PDZD2: variants seen among roughly 807,000 people sequenced by gnomAD.
PDZD2 encodes PDZ domain-containing protein 2.
PDZD2 carries 90 observed loss-of-function variants against 220.7 expected under a neutral mutation model. The observed-to-expected ratio is 0.41, with a 90% CI of 0.34 to 0.49. The LOEUF (loss-of-function observed/expected upper bound fraction) is 0.49, where lower values mean the gene tolerates loss of function less well. PDZD2 is among the 20% of genes least tolerant of loss of function. The pLI, the probability that PDZD2 is intolerant of heterozygous loss-of-function variation, is 0.28. For synonymous variants in PDZD2, 1,375 were observed against 1,450.5 expected (o/e 0.95, Z 1.18); for missense variants, 3,174 against 3,608.5 (o/e 0.88, Z 3.08).
rs1561506524 is a variant in PDZD2, at chr5:31,849,873, TATATATATATATATAC to T, written c.476+50151_476+50166del. Reference sequence around the variant, plus strand: ...TCTCTCTCTCTCATATATATATACATATATATATATATATACACATATATATATATACATATATATA... The same window carrying T: ...TCTCTCTCTCTCATATATATATACATACATATATATATATACATATATATA... On this transcript the variant is annotated intron_variant, in intron 2 of 24. Coordinates refer to ENST00000438447, the MANE Select transcript of PDZD2 (RefSeq NM_178140.4). 6.3e-4 allele frequency among the ~76,000 whole-genome samples: 32 copies of T among 50,726 alleles called. 5 individuals are homozygous for T. The highest frequency in any genetic ancestry group is 6.1e-3 in the African/African-American group (26 of 4,260). The allele number at this position is 50,726 out of a possible 152,430, so 33.3% of individuals were successfully genotyped here. A position where few individuals can be genotyped will look rare whatever the true frequency, so the allele number is the denominator to read the frequency against.
At chr5:32,016,273 G>A (rs1753773533) in intron 6 of PDZD2, among the ~76,000 whole-genome samples, 1 of 152,174 alleles carries the variant, frequency 6.6e-6, no homozygotes, top group African/African-American at 2.4e-5. Flanking sequence ...CGCTCTAAAT[G>A]TTTCCAAATG....
rs907158611 is a variant in PDZD2, at chr5:31,766,919, G to T, written c.-360-31970G>T. 2.6e-5 allele frequency among the ~76,000 whole-genome samples: 4 copies of T among 150,968 alleles called. No individual in the cohort carries two copies. The South Asian group carries it at 8.4e-4, about 32-fold the overall frequency. ...ATTTTTATATTTTTAGTAGAGACTG[G>T]GTTTCATCATGTTGGGCAGGCTGTT... On this transcript the variant is annotated intron_variant, in intron 1 of 24. Coordinates refer to ENST00000438447, the MANE Select transcript of PDZD2 (RefSeq NM_178140.4).
chr5:31,868,320 C>T (rs1424827249), intron 2 of PDZD2, among the ~76,000 whole-genome samples: 3 of 152,110 alleles, frequency 2.0e-5, no homozygotes, highest in Non-Finnish European at 4.4e-5. Context: ...TGGCGTGTGC[C>T]TTTAATCTCA....
chr5:31,781,278 G>A (rs573306320), intron 1 of PDZD2, among the ~76,000 whole-genome samples: 1 of 152,336 alleles, frequency 6.6e-6, no homozygotes, highest in African/African-American at 2.4e-5. Context: ...GCTGGGTGTG[G>A]TGGTGCACGT....
chr5:31,668,194 G>A (rs955730686), intron 1 of PDZD2, among the ~76,000 whole-genome samples: 3 of 152,266 alleles, frequency 2.0e-5, no homozygotes, highest in Middle Eastern at 6.8e-3. Context: ...TGGTGAATGC[G>A]TGCAGAGATG....
chr5:32,036,848 T>C (rs1017889399), intron 6 of PDZD2, among the ~76,000 whole-genome samples: 1 of 152,276 alleles, frequency 6.6e-6, no homozygotes, highest in African/African-American at 2.4e-5. Flanking sequence ...TCAAGAGACC[T>C]GGGCTTGCGT....
intron 2 of PDZD2, among the ~76,000 whole-genome samples, chr5:31,836,620 A>G (rs1445516543): frequency 1.3e-5 from 2 of 152,186 alleles, no homozygotes; most frequent in East Asian, 3.8e-4. Context: ...TCTCCTAGAG[A>G]TGATGCTCTA....
In PDZD2 at chr5:32,037,089, G is replaced by A. The variant is rs116512054; in HGVS notation, c.1408-142G>A. On this transcript the variant is annotated intron_variant, in intron 6 of 24. Transcript: ENST00000438447. ...GCGAATGCAGCTTATCTGAAGGGCT[G>A]TGCTTTGATCCCGTGGTCCTTCTTC... 3,572 of 616,750 alleles carry A rather than the reference G, an allele frequency of 5.8e-3. 104 individuals are homozygous for A. The African/African-American group carries it at 0.06, about 10-fold the overall frequency. 38.2% of individuals were successfully genotyped at this position (616,750 alleles called of 1,614,324 possible).
intron 1 of PDZD2, among the ~76,000 whole-genome samples, chr5:31,689,766 A>G (rs1010730003): frequency 2.0e-5 from 3 of 152,034 alleles, no homozygotes; most frequent in Non-Finnish European, 4.4e-5. Flanking sequence ...GGCCAGGGAA[A>G]CTTCTGGAAG....
At chr5:31,946,294 C>T (rs745439653) in intron 2 of PDZD2, among the ~76,000 whole-genome samples, 49 of 152,218 alleles carry the variant, frequency 3.2e-4, no homozygotes, top group Non-Finnish European at 5.1e-4. Flanking sequence ...TGAGTCACTG[C>T]GCCTGGCCAA....
chr5:32,064,239 T>G (rs1373226374), intron 14 of PDZD2, among the ~76,000 whole-genome samples: 2 of 145,976 alleles, frequency 1.4e-5, no homozygotes, highest in East Asian at 4.0e-4. Flanking sequence ...CTCAATTCAC[T>G]TTTTTTTTTT....
intron 2 of PDZD2, among the ~76,000 whole-genome samples, chr5:31,891,394 G>A (rs1741026848): frequency 6.6e-6 from 1 of 151,832 alleles, no homozygotes; most frequent in African/African-American, 2.4e-5. Flanking sequence ...TCGGCTCACC[G>A]CAACTTCGCC....
Position 31,914,476 on chromosome 5 carries a change from C to T in PDZD2, c.477-68679C>T, listed in dbSNP as rs185546540. ...CCAGGAGGCGGAGGTTGCAGTGAGC[C>T]GAGATTGCACCACTGCACTCCAGCC... On this transcript the variant is annotated intron_variant, in intron 2 of 24. Transcript: ENST00000438447. Among the ~76,000 whole-genome samples, 79 of 152,162 alleles carry T rather than the reference C, an allele frequency of 5.2e-4. No individual in the cohort carries two copies. The East Asian group carries it at 0.013, about 26-fold the overall frequency.
chr5:31,914,041 G>A (rs1365729894), intron 2 of PDZD2, among the ~76,000 whole-genome samples: 1 of 152,148 alleles, frequency 6.6e-6, no homozygotes, highest in Admixed American at 6.5e-5. Flanking sequence ...CTCTTCAGTG[G>A]CTACCAACCC....
At chr5:32,101,342 C>A in intron 24 of PDZD2, 103 bp downstream of exon 24, 1 of 1,069,600 alleles carries the variant, frequency 9.3e-7, no homozygotes, top group Non-Finnish European at 1.3e-6. Context: ...AAAACCTAAA[C>A]TGTTTTTAAT....
At chr5:31,683,504 T>C (rs2150124361) in intron 1 of PDZD2, among the ~76,000 whole-genome samples, 1 of 152,282 alleles carries the variant, frequency 6.6e-6, no homozygotes, top group South Asian at 2.1e-4. Context: ...TTGGGAATGA[T>C]AAAAGATGAA....
chr5:32,093,364 C>T (rs374110042), intron 21 of PDZD2, among the ~76,000 whole-genome samples: 3 of 152,122 alleles, frequency 2.0e-5, no homozygotes, highest in Non-Finnish European at 4.4e-5. Context: ...AAATACCTCT[C>T]GCCACCTAAC....
chr5:31,860,916 T>C (rs1054728114), intron 2 of PDZD2, among the ~76,000 whole-genome samples: 1 of 152,276 alleles, frequency 6.6e-6, no homozygotes, highest in South Asian at 2.1e-4. Context: ...GGTGGTGTGG[T>C]CAGGTGGACA....
Position 32,090,604 on chromosome 5 carries a change from G to A in PDZD2, c.7156G>A (p.Gly2386Ser), listed in dbSNP as rs867133896. The A allele has an allele frequency of 6.2e-7, 1 of 1,614,078 alleles. No individual in the cohort carries two copies. ...SIVSGSLGHP[G>S]DAAARLLRRS... ...TGTTTCCGGGAGCCTGGGCCACCCA[G>A]GTGACGCAGCAGCAAGGTTGTTGAG... The change falls in exon 20 of 25, where the codon GGT (glycine) becomes AGT (serine). Residue 2386 changes from glycine (G) to serine (S), a missense_variant. By Grantham distance (56) the Gly-to-Ser change is moderately conservative. Coordinates refer to ENST00000438447, the MANE Select transcript of PDZD2 (RefSeq NM_178140.4). This position sits in a 1 kb window ranked among gnomAD's most constrained non-coding sequence, Gnocchi z 4.3.
Sources: allele counts gnomAD v4.1 joint callset (sites outside exome capture counted in the v4.1 genomes callset), GRCh38; gene constraint gnomAD v4.1.1; non-coding constraint Gnocchi (gnomAD v3.1); transcripts MANE v1.5; gene names NCBI Gene and HGNC (gene_info 2026-07-23, HGNC 2026-07-21).